The following LIN9 variants were observed in gnomAD, a reference collection of about 807,000 sequenced individuals.
LIN9 encodes the protein lin-9 DREAM MuvB core complex component.
A neutral mutation model predicts 78.0 loss-of-function variants in LIN9; 18 were observed. That is an observed-to-expected ratio of 0.23 (90% CI 0.16 to 0.34). The LOEUF (loss-of-function observed/expected upper bound fraction) is 0.34, where lower values mean the gene tolerates loss of function less well. LIN9 is among the 10% of genes least tolerant of loss of function. The pLI is 1.00. For synonymous variants in LIN9, 192 were observed against 215.2 expected (o/e 0.89, Z 0.94); for missense variants, 451 against 644.1 (o/e 0.70, Z 3.25).
chr1:226,234,276 A>G (rs867211861), intron 12 of LIN9, among the ~76,000 whole-genome samples: 2 of 152,220 alleles, frequency 1.3e-5, no homozygotes, highest in Non-Finnish European at 2.9e-5. Flanking sequence ...ATTCTTGTCT[A>G]TATCAATTAT....
chr1:226,240,757 T>C (rs763802117), intron 11 of LIN9, among the ~76,000 whole-genome samples: 12 of 151,808 alleles, frequency 7.9e-5, no homozygotes, highest in Non-Finnish European at 1.2e-4. Flanking sequence ...TGATCATAAC[T>C]CAGTGCAGCC....
chr1:226,303,442 G>C (rs1382490933), intron 1 of LIN9, among the ~76,000 whole-genome samples: 2 of 152,130 alleles, frequency 1.3e-5, no homozygotes, highest in Non-Finnish European at 2.9e-5. Context: ...TTGTATATAA[G>C]GTGTTCATGA....
At chr1:226,248,994 A>G (rs1658660428) in intron 11 of LIN9, among the ~76,000 whole-genome samples, 1 of 152,220 alleles carries the variant, frequency 6.6e-6, no homozygotes, top group African/African-American at 2.4e-5. Context: ...TGAAGCCTAC[A>G]TCTCCTTGGT....
Position 226,269,252 on chromosome 1 carries a change from T to G in LIN9, c.683-1162A>C, listed in dbSNP as rs527973724. ...AACACAACTGTAGAGGACTAAAATC[T>G]CTCTCAGTTTCTGACAGATCCTTTA... On this transcript the variant is annotated intron_variant, in intron 7 of 14. Transcript: ENST00000681046. Among the ~76,000 whole-genome samples the G allele has an allele frequency of 7.2e-5, 11 of 152,300 alleles. No homozygotes were observed. The South Asian group carries it at 2.1e-3, about 29-fold the overall frequency.
At position 226,233,448 on chromosome 1, in the gene LIN9, C is replaced by G; in HGVS notation, c.1321G>C (p.Glu441Gln). 6.2e-7 allele frequency: 1 copy of G among 1,614,152 alleles called. No homozygotes were observed. ...MRRRCEEEAQEIVRHANSSTG... is the reference protein window; with the variant it reads ...MRRRCEEEAQQIVRHANSSTG... ...GAGGAATTTGCATGCCGAACAATTT[C>G]CTGTGCTTCTTCCTCACACCTGCGT... Residue 441 changes from glutamate (E) to glutamine (Q), a missense_variant, in exon 13 of 15, where the codon GAA becomes CAA. Transcript: ENST00000681046.
chr1:226,302,022 C>G (rs1308810232), intron 1 of LIN9, among the ~76,000 whole-genome samples: 1 of 152,180 alleles, frequency 6.6e-6, no homozygotes, highest in Non-Finnish European at 1.5e-5. Flanking sequence ...TGAGCTGTGA[C>G]CGTGCCACTG....
At position 226,265,490 on chromosome 1, in the gene LIN9, G is replaced by T; in HGVS notation, c.1038+43C>A. 1 of 1,270,088 alleles carries T rather than the reference G, an allele frequency of 7.9e-7. No homozygotes were observed. The highest frequency in any genetic ancestry group is 1.1e-6 in the Non-Finnish European group (1 of 877,992). 78.7% of individuals were successfully genotyped at this position (1,270,088 alleles called of 1,614,324 possible). A position where few individuals can be genotyped will look rare whatever the true frequency, so the allele number is the denominator to read the frequency against. ...CAACTTTAATAACATAAAAGGCATT[G>T]AGTTTTTAAACAAACAGCCAAGATA... On this transcript the variant is annotated intron_variant, in intron 10 of 14. Transcript: ENST00000681046. This position sits in a 1 kb window ranked among gnomAD's most constrained non-coding sequence, Gnocchi z 4.1.
rs1039168243 is a variant in LIN9 at position 226,278,586 on chromosome 1, G to A, written c.525-654C>T. On this transcript the variant is annotated intron_variant, in intron 6 of 14. Transcript: ENST00000681046. Reference sequence around the variant, plus strand: ...TGCCTGTAATCCTAGCAGTATGGGAGGCCACGGCGGGTGGATGACCTGAGG... The same window carrying A: ...TGCCTGTAATCCTAGCAGTATGGGAAGCCACGGCGGGTGGATGACCTGAGG... Among the ~76,000 whole-genome samples, 3 of 151,952 alleles carry A rather than the reference G, an allele frequency of 2.0e-5. No individual in the cohort carries two copies. The East Asian group carries it at 5.8e-4, about 29-fold the overall frequency.
intron 7 of LIN9, among the ~76,000 whole-genome samples, chr1:226,276,156 G>T (rs1227850170): frequency 6.6e-6 from 1 of 152,162 alleles, no homozygotes; most frequent in Non-Finnish European, 1.5e-5. Flanking sequence ...CACTACCTAA[G>T]ATTTTCAGTC....
At position 226,253,734 on chromosome 1, in the gene LIN9, G is replaced by T. The variant is rs541230779; in HGVS notation, c.1039-2815C>A. On this transcript the variant is annotated intron_variant, in intron 10 of 14. Transcript: ENST00000681046. ...AGTTTGAGACCAACCTGGCCAACAT[G>T]GTAAAACCCCATCTCTACTAAAAAT... Among the ~76,000 whole-genome samples, 289 of 151,830 alleles carry T rather than the reference G, an allele frequency of 1.9e-3. 1 individual carries two copies. Among genetic ancestry groups the T allele is most frequent in the Non-Finnish European group, 4.9e-4 (33 of 67,902 alleles).
At chr1:226,300,038 A>T (rs1204302110) in intron 2 of LIN9, among the ~76,000 whole-genome samples, 1 of 151,734 alleles carries the variant, frequency 6.6e-6, no homozygotes, top group Non-Finnish European at 1.5e-5. Flanking sequence ...TCCCAGGTTC[A>T]AACAATTCTC....
intron 7 of LIN9, among the ~76,000 whole-genome samples, chr1:226,268,521 T>C (rs944184910): frequency 2.2e-4 from 33 of 152,242 alleles, no homozygotes; most frequent in African/African-American, 7.0e-4. Context: ...CCTTGCAAGG[T>C]TGGCCTTTGT....
chr1:226,279,566 C>T (rs576800443), intron 6 of LIN9, among the ~76,000 whole-genome samples: 11 of 141,274 alleles, frequency 7.8e-5, no homozygotes, highest in Non-Finnish European at 1.5e-4. Context: ...AGTTTGAGAC[C>T]AGCCTGGGCA....
At chr1:226,307,856 C>G (rs937904473) in intron 1 of LIN9, among the ~76,000 whole-genome samples, 3 of 152,268 alleles carry the variant, frequency 2.0e-5, no homozygotes, top group East Asian at 3.9e-4. Context: ...GCTTGGCTGC[C>G]CTACTGGACA....
At chr1:226,280,290 C>T (rs766827920) in intron 6 of LIN9, among the ~76,000 whole-genome samples, 3 of 152,088 alleles carry the variant, frequency 2.0e-5, no homozygotes, top group Non-Finnish European at 4.4e-5. Context: ...AAGACCAGCA[C>T]TGTATAAAGT....
At chr1:226,246,421 C>T (rs1386289919) in intron 11 of LIN9, among the ~76,000 whole-genome samples, 3 of 152,020 alleles carry the variant, frequency 2.0e-5, no homozygotes, top group African/African-American at 7.2e-5. Context: ...GTACATACTC[C>T]CCACTCCCAT....
chr1:226,242,656 A>AT (rs1418720199), intron 11 of LIN9, among the ~76,000 whole-genome samples: 2 of 152,070 alleles, frequency 1.3e-5, no homozygotes, highest in Non-Finnish European at 2.9e-5. Context: ...TTTAAAATTA[A>AT]TTTTTGCAAC....
chr1:226,250,926 A>C lies in LIN9; in HGVS notation c.1039-7T>G. ...GAATTTTTGATAATCTGGTCTACAG[A>C]CAAAGAAGAAATATTTTAGAATAAA... On this transcript the variant is annotated splice_region_variant and splice_polypyrimidine_tract_variant and intron_variant, in intron 10 of 14. Transcript: ENST00000681046. 7.4e-7 allele frequency: 1 copy of C among 1,359,866 alleles called. No individual in the cohort carries two copies. The highest frequency in any genetic ancestry group is 1.0e-6 in the Non-Finnish European group (1 of 967,800). The allele number at this position is 1,359,866 out of a possible 1,614,324, so 84.2% of individuals were successfully genotyped here. A position where few individuals can be genotyped will look rare whatever the true frequency, so the allele number is the denominator to read the frequency against.
At chr1:226,239,812 C>T (rs2102838184) in intron 11 of LIN9, among the ~76,000 whole-genome samples, 1 of 152,304 alleles carries the variant, frequency 6.6e-6, no homozygotes, top group Middle Eastern at 3.4e-3. Context: ...ATGCCATTTC[C>T]TTCCCTCTCT....
Sources: gnomAD v4.1 joint callset for allele counts (sites outside exome capture counted in the v4.1 genomes callset) on GRCh38, gnomAD v4.1.1 for gene constraint, Gnocchi (gnomAD v3.1) non-coding constraint, MANE v1.5 for transcripts, NCBI Gene and HGNC (gene_info 2026-07-23, HGNC 2026-07-21) for gene names.